Variants in NRG1 observed in about 807,000 individuals in gnomAD.
NRG1 encodes the protein neuregulin 1.
In NRG1, 18 loss-of-function variants were observed where a neutral mutation model predicts 63.8. The observed-to-expected ratio is 0.28, with a 90% confidence interval of 0.19 to 0.42. NRG1 has a LOEUF of 0.42. Ranked by LOEUF, NRG1 falls within the 10% of genes least tolerant of loss-of-function variation. NRG1 has a pLI of 1.00. For synonymous variants in NRG1, 302 were observed against 301.3 expected (o/e 1.00, Z -0.02); for missense variants, 762 against 814.7 (o/e 0.94, Z 0.79).
chr8:31,842,349 C>G (rs1461889621), intron 1 of NRG1, among the ~76,000 whole-genome samples: 1 of 152,192 alleles, frequency 6.6e-6, no homozygotes, highest in Non-Finnish European at 1.5e-5. Context: ...AGGTCATGTA[C>G]TTATTACTTA....
chr8:32,762,826 T>TG (rs1425931777), intron 11 of NRG1, among the ~76,000 whole-genome samples: 1 of 152,126 alleles, frequency 6.6e-6, no homozygotes, highest in African/African-American at 2.4e-5. Context: ...CTTCTTATAC[T>TG]GGGGGAAGAA....
intron 1 of NRG1, among the ~76,000 whole-genome samples, chr8:31,770,757 A>G (rs1005016775): frequency 3.0e-4 from 36 of 121,004 alleles, no homozygotes; most frequent in African/African-American, 9.1e-4. Flanking sequence ...CCTAGAACTT[A>G]AAGTATAATA....
At chr8:32,004,331 T>C (rs1586410129) in intron 1 of NRG1, among the ~76,000 whole-genome samples, 1 of 151,856 alleles carries the variant, frequency 6.6e-6, no homozygotes. Context: ...GGTGGATACA[T>C]TGCATCATGC....
chr8:32,593,988 C>G (rs938247549), intron 1 of NRG1, among the ~76,000 whole-genome samples: 3 of 152,088 alleles, frequency 2.0e-5, no homozygotes, highest in Admixed American at 1.3e-4. Context: ...CACCTCATCT[C>G]CCAGCCACCA....
intron 1 of NRG1, among the ~76,000 whole-genome samples, chr8:31,652,197 C>T (rs1223770200): frequency 6.6e-6 from 1 of 152,194 alleles, no homozygotes; most frequent in East Asian, 1.9e-4. Flanking sequence ...GATACCTCTC[C>T]TGCTCCATAC....
At position 32,756,539 on chromosome 8, in the gene NRG1, C is replaced by G. The variant is rs1339688320; in HGVS notation, c.921+10C>G. On this transcript the variant is annotated intron_variant, in intron 9 of 11. Transcript: ENST00000356819. ...TGTCCAGCTGGTGAATGTACGTTGA[C>G]TCTGGCCAGTGGAAAAAACTGAGCC... The G allele has an allele frequency of 6.2e-7, 1 of 1,602,244 alleles. No individual in the cohort carries two copies. The highest frequency in any genetic ancestry group is 1.3e-5 in the African/African-American group (1 of 74,212).
At chr8:32,415,814 A>G (rs927072097) in intron 1 of NRG1, among the ~76,000 whole-genome samples, 19 of 152,050 alleles carry the variant, frequency 1.2e-4, no homozygotes, top group South Asian at 4.1e-4. Context: ...GTATCTGATC[A>G]TAGTTTTCAC....
chr8:32,608,585 A>G (rs1375907982), intron 3 of NRG1, among the ~76,000 whole-genome samples: 4 of 149,392 alleles, frequency 2.7e-5, no homozygotes, highest in Non-Finnish European at 6.0e-5. Flanking sequence ...AAGGAATGGT[A>G]TGAGGCCTAA....
intron 1 of NRG1, among the ~76,000 whole-genome samples, chr8:32,350,813 C>T (rs1805506899): frequency 6.6e-6 from 1 of 151,954 alleles, no homozygotes; most frequent in South Asian, 2.1e-4. Context: ...TCAAGGGCCT[C>T]CTTGAATTTG....
chr8:32,630,175 C>A (rs916251022), intron 5 of NRG1, among the ~76,000 whole-genome samples: 2 of 152,152 alleles, frequency 1.3e-5, no homozygotes, highest in Non-Finnish European at 2.9e-5. Context: ...TTCTTGTGAC[C>A]TCTATGCTAC....
intron 3 of NRG1, 34 bp downstream of exon 3, chr8:32,605,717 C>G: frequency 6.2e-7 from 1 of 1,608,468 alleles, no homozygotes; most frequent in Non-Finnish European, 8.5e-7. Context: ...GTTCCTCAAT[C>G]TGTAACAAGA....
At chr8:32,038,317 A>G (rs1202428542) in intron 1 of NRG1, among the ~76,000 whole-genome samples, 1 of 151,806 alleles carries the variant, frequency 6.6e-6, no homozygotes, top group Non-Finnish European at 1.5e-5. Context: ...CCAACCATCT[A>G]GTCAGTCCCA....
At chr8:32,135,925 T>G (rs1835449494) in intron 1 of NRG1, among the ~76,000 whole-genome samples, 1 of 151,848 alleles carries the variant, frequency 6.6e-6, no homozygotes, top group Non-Finnish European at 1.5e-5. Context: ...AAAAGCAAAG[T>G]AGAAGAAAAC....
intron 1 of NRG1, among the ~76,000 whole-genome samples, chr8:31,953,226 G>T (rs1384396173): frequency 1.3e-5 from 2 of 152,168 alleles, no homozygotes; most frequent in East Asian, 3.8e-4. Context: ...AAAGATGTCT[G>T]CAATTTATTT....
chr8:31,930,484 T>C (rs1388197906), intron 1 of NRG1, among the ~76,000 whole-genome samples: 2 of 152,204 alleles, frequency 1.3e-5, no homozygotes, highest in East Asian at 3.9e-4. Flanking sequence ...GTTTTCTCCT[T>C]TGTTTACCTT....
intron 1 of NRG1, among the ~76,000 whole-genome samples, chr8:32,218,235 T>C (rs1162691312): frequency 6.6e-6 from 1 of 152,240 alleles, no homozygotes; most frequent in Non-Finnish European, 1.5e-5. Flanking sequence ...TAGCCTACTC[T>C]TGTGCCAATC....
At chr8:32,112,398 T>C (rs1038892224) in intron 1 of NRG1, among the ~76,000 whole-genome samples, 1 of 152,236 alleles carries the variant, frequency 6.6e-6, no homozygotes, top group African/African-American at 2.4e-5. Flanking sequence ...CTGTTGTGAA[T>C]GGGCAGAAGT....
downstream of NRG1, among the ~76,000 whole-genome samples, chr8:32,770,154 C>A (rs1393070399): frequency 6.6e-6 from 1 of 152,126 alleles, no homozygotes; most frequent in South Asian, 2.1e-4. Context: ...TAAAGAATTA[C>A]CTCTGTAGAT....
intron 1 of NRG1, among the ~76,000 whole-genome samples, chr8:31,982,785 T>C (rs1173985225): frequency 6.6e-6 from 1 of 152,140 alleles, no homozygotes; most frequent in Non-Finnish European, 1.5e-5. Flanking sequence ...TTTTTTCATC[T>C]AAGAGTTTTA....
Sources: gnomAD v4.1 joint callset for allele counts (sites outside exome capture counted in the v4.1 genomes callset) on GRCh38, gnomAD v4.1.1 for gene constraint, MANE v1.5 for transcripts, NCBI Gene and HGNC (gene_info 2026-07-23, HGNC 2026-07-21) for gene names.